TRPC6: variants seen among roughly 807,000 people sequenced by gnomAD.
TRPC6 encodes the protein transient receptor potential cation channel subfamily C member 6, also known as short transient receptor potential channel 6.
TRPC6 carries 55 observed loss-of-function variants against 90.7 expected under a neutral mutation model. The observed-to-expected ratio is 0.61, with a 90% CI of 0.49 to 0.76. The LOEUF is 0.76. Ranked by LOEUF, TRPC6 falls within the 30% of genes least tolerant of loss-of-function variation. The pLI, the probability that TRPC6 is intolerant of heterozygous loss-of-function variation, is 0.00. For missense variants in TRPC6, 989 were observed against 1,122.7 expected (o/e 0.88, Z 1.70); for synonymous variants, 393 against 393.0 (o/e 1.00, Z 0.00).
intron 1 of TRPC6, 37 bp from the exon 2 acceptor site, chr11:101,504,835 T>C: frequency 1.2e-6 from 2 of 1,606,904 alleles, no homozygotes; most frequent in Non-Finnish European, 1.7e-6. Flanking sequence ...CAAATCACAT[T>C]AAGAGCATTT....
At chr11:101,489,930 T>A (rs1318572510) in intron 3 of TRPC6, among the ~76,000 whole-genome samples, 1 of 152,178 alleles carries the variant, frequency 6.6e-6, no homozygotes, top group Non-Finnish European at 1.5e-5. Flanking sequence ...AATGGTAAAG[T>A]TGGATAAAAC....
chr11:101,564,131 T>C (rs1861777348), intron 1 of TRPC6, among the ~76,000 whole-genome samples: 2 of 152,208 alleles, frequency 1.3e-5, no homozygotes, highest in South Asian at 2.1e-4. Context: ...AGATGGCATA[T>C]GCTTTTGCAT....
At chr11:101,522,803 A>G (rs1860691361) in intron 1 of TRPC6, among the ~76,000 whole-genome samples, 1 of 152,244 alleles carries the variant, frequency 6.6e-6, no homozygotes, top group Admixed American at 6.5e-5. Flanking sequence ...TAACCTATGT[A>G]TCTATGTCTG....
intron 1 of TRPC6, among the ~76,000 whole-genome samples, chr11:101,515,830 T>G (rs1860504809): frequency 6.6e-6 from 1 of 152,180 alleles, no homozygotes; most frequent in Non-Finnish European, 1.5e-5. Flanking sequence ...TCTAGCTTTA[T>G]CAATAAAAAT....
chr11:101,548,262 C>T (rs4754772), intron 1 of TRPC6, among the ~76,000 whole-genome samples: 10,607 of 96,706 alleles, frequency 0.11, 648 homozygotes, highest in Non-Finnish European at 0.13. Context: ...TATATATATA[C>T]ATATATATAT....
chr11:101,535,376 T>A (rs7113660), intron 1 of TRPC6, among the ~76,000 whole-genome samples: 152,123 of 152,124 alleles, frequency 1, 76,061 homozygotes, highest in Non-Finnish European at 1. Flanking sequence ...CTAGCCCACT[T>A]ATTCCCTAAT....
chr11:101,456,857 A>AT (rs1399537745), intron 10 of TRPC6, among the ~76,000 whole-genome samples: 1 of 152,182 alleles, frequency 6.6e-6, no homozygotes, highest in East Asian at 1.9e-4. Flanking sequence ...GGATGCATAT[A>AT]TAACATATTT....
intron 1 of TRPC6, among the ~76,000 whole-genome samples, chr11:101,572,137 T>A (rs1273965232): frequency 6.6e-6 from 1 of 152,088 alleles, no homozygotes; most frequent in Non-Finnish European, 1.5e-5. Context: ...AAAGGGCTAA[T>A]ATCCAGACTC....
intron 1 of TRPC6, among the ~76,000 whole-genome samples, chr11:101,530,433 G>A (rs1860885194): frequency 6.6e-6 from 1 of 152,114 alleles, no homozygotes; most frequent in East Asian, 1.9e-4. Context: ...GCCCATCTGT[G>A]CCTCCAGAGG....
At chr11:101,572,329 T>A (rs1444495050) in intron 1 of TRPC6, among the ~76,000 whole-genome samples, 2 of 152,160 alleles carry the variant, frequency 1.3e-5, no homozygotes, top group African/African-American at 2.4e-5. Context: ...ATGCTTGTTA[T>A]AATGGTGATC....
intron 1 of TRPC6, among the ~76,000 whole-genome samples, chr11:101,532,129 GC>G (rs1860924267): frequency 1.3e-5 from 2 of 152,328 alleles, no homozygotes; most frequent in South Asian, 4.1e-4. Context: ...GTATCCTGAA[GC>G]TAAGTAACTC....
intron 1 of TRPC6, among the ~76,000 whole-genome samples, chr11:101,553,096 T>C (rs1475151850): frequency 6.6e-6 from 1 of 152,110 alleles, no homozygotes; most frequent in East Asian, 1.9e-4. Context: ...AGAGTATTAA[T>C]GGGAAGTAAG....
chr11:101,583,521 G>A lies in TRPC6; in HGVS notation c.-18C>T. The A allele has an allele frequency of 6.9e-7, 1 of 1,443,248 alleles. No homozygotes were observed. Among genetic ancestry groups the A allele is most frequent in the Non-Finnish European group, 9.1e-7 (1 of 1,102,584 alleles). 89.4% of individuals were successfully genotyped at this position (1,443,248 alleles called of 1,614,324 possible). A position where few individuals can be genotyped will look rare whatever the true frequency, so the allele number is the denominator to read the frequency against. On this transcript the variant is annotated 5_prime_UTR_variant, in exon 1 of 13. Transcript: ENST00000344327. Reference sequence around the variant, plus strand: ...TGGCTCATGGCGGGAACGCCCGACTGGCCTGGGCCCCGCTCCCGGGGGAGC... The same window carrying A: ...TGGCTCATGGCGGGAACGCCCGACTAGCCTGGGCCCCGCTCCCGGGGGAGC...
At chr11:101,516,911 C>T (rs931133738) in intron 1 of TRPC6, among the ~76,000 whole-genome samples, 4 of 152,248 alleles carry the variant, frequency 2.6e-5, no homozygotes, top group Non-Finnish European at 4.4e-5. Flanking sequence ...CCTCACTGAA[C>T]TCTTCCACAT....
At chr11:101,538,561 C>T (rs1861104336) in intron 1 of TRPC6, among the ~76,000 whole-genome samples, 1 of 152,152 alleles carries the variant, frequency 6.6e-6, no homozygotes, top group Non-Finnish European at 1.5e-5. Context: ...AAAAGGGACT[C>T]TGCAGATGTA....
At chr11:101,470,361 A>G (rs1280818015) in intron 9 of TRPC6, among the ~76,000 whole-genome samples, 3 of 152,164 alleles carry the variant, frequency 2.0e-5, no homozygotes, top group Non-Finnish European at 4.4e-5. Context: ...GTCACTTTCA[A>G]TCTTCCTTTT....
At chr11:101,567,725 A>G (rs931397413) in intron 1 of TRPC6, among the ~76,000 whole-genome samples, 6 of 152,202 alleles carry the variant, frequency 3.9e-5, no homozygotes, top group African/African-American at 1.2e-4. Flanking sequence ...CCAGGCAAAC[A>G]GGGTCTGGAG....
At chr11:101,457,515 A>C (rs1259496297) in intron 10 of TRPC6, among the ~76,000 whole-genome samples, 2 of 152,178 alleles carry the variant, frequency 1.3e-5, no homozygotes, top group African/African-American at 4.8e-5. Context: ...CCTATTTCCC[A>C]CAAGCAGTAA....
chr11:101,578,937 G>T, intron 1 of TRPC6, among the ~76,000 whole-genome samples: 1 of 151,584 alleles, frequency 6.6e-6, no homozygotes, highest in Non-Finnish European at 1.5e-5. Flanking sequence ...TCTTGTCTTT[G>T]GTGTTCTGCA....
Sources: allele counts gnomAD v4.1 joint callset (sites outside exome capture counted in the v4.1 genomes callset), GRCh38; gene constraint gnomAD v4.1.1; transcripts MANE v1.5; gene names NCBI Gene and HGNC (gene_info 2026-07-23, HGNC 2026-07-21).